Variants in GALNTL6 observed in about 807,000 individuals in gnomAD.
GALNTL6 encodes the protein polypeptide N-acetylgalactosaminyltransferase-like 6.
In GALNTL6, 46 loss-of-function variants were observed where a neutral mutation model predicts 73.7. The observed-to-expected ratio is 0.62, with a 90% confidence interval of 0.49 to 0.80. The LOEUF (loss-of-function observed/expected upper bound fraction) is 0.80. Ranked by LOEUF, GALNTL6 falls within the 30% of genes least tolerant of loss-of-function variation. GALNTL6 has a pLI of 0.00. For missense variants in GALNTL6, 604 were observed against 755.0 expected (o/e 0.80, Z 2.34); for synonymous variants, 259 against 263.7 (o/e 0.98, Z 0.17).
intron 5 of GALNTL6, among the ~76,000 whole-genome samples, chr4:172,697,195 T>C (rs528778735): frequency 6.6e-6 from 1 of 152,348 alleles, no homozygotes; most frequent in South Asian, 2.1e-4. Context: ...ATCCTTAGCA[T>C]TTCTGAAAAT....
At chr4:172,138,128 A>G (rs6839159) in intron 2 of GALNTL6, among the ~76,000 whole-genome samples, 67,453 of 151,624 alleles carry the variant, frequency 0.44, 15,664 homozygotes, top group African/African-American at 0.56. Flanking sequence ...AAACCATTCT[A>G]AAACCTCCCA....
intron 5 of GALNTL6, among the ~76,000 whole-genome samples, chr4:172,369,164 T>G (rs1024094270): frequency 2.0e-5 from 3 of 152,128 alleles, no homozygotes; most frequent in Non-Finnish European, 4.4e-5. Context: ...ATTGGTCTGT[T>G]TTGACAGAGT....
intron 10 of GALNTL6, among the ~76,000 whole-genome samples, chr4:172,987,710 G>A (rs1397324068): frequency 6.7e-6 from 1 of 149,234 alleles, no homozygotes; most frequent in Non-Finnish European, 1.5e-5. Context: ...TCTCATGATA[G>A]TGAATGAGTT....
chr4:172,471,915 C>T (rs1496710), intron 5 of GALNTL6, among the ~76,000 whole-genome samples: 135,592 of 152,258 alleles, frequency 0.89, 60,453 homozygotes, highest in African/African-American at 0.94. Context: ...ATTTACTTAG[C>T]CAACAATTCA....
chr4:172,766,901 G>C (rs559401198), intron 5 of GALNTL6, among the ~76,000 whole-genome samples: 1 of 152,208 alleles, frequency 6.6e-6, no homozygotes, highest in South Asian at 2.1e-4. Context: ...GAATTTATTG[G>C]CCATGCCTTC....
chr4:172,332,890 T>C (rs1741179782), intron 4 of GALNTL6, among the ~76,000 whole-genome samples: 1 of 152,218 alleles, frequency 6.6e-6, no homozygotes, highest in Admixed American at 6.5e-5. Flanking sequence ...CTGTTTTCCA[T>C]GCTGACTATA....
chr4:172,219,266 ATT>A (rs1736599306), intron 2 of GALNTL6, among the ~76,000 whole-genome samples: 1 of 142,952 alleles, frequency 7.0e-6, no homozygotes, highest in South Asian at 2.2e-4. Context: ...AATAACCGTT[ATT>A]TTAAGTAATT....
rs1482765905 is a variant in GALNTL6, at chr4:171,915,469, G to A, written c.138+100751G>A. ...ACTAAAAATACTAAAGGGAGTGATA[G>A]TGATTCTAAATAAAATATTTTTTAT... On this transcript the variant is annotated intron_variant, in intron 2 of 12. Transcript: ENST00000506823. Among the ~76,000 whole-genome samples the A allele has an allele frequency of 2.6e-5, 4 of 152,220 alleles. No homozygotes were observed. In the East Asian group the frequency reaches 5.8e-4, roughly 22 times the overall value.
intron 10 of GALNTL6, among the ~76,000 whole-genome samples, chr4:172,976,496 C>A (rs1264057339): frequency 6.6e-6 from 1 of 152,148 alleles, no homozygotes; most frequent in Non-Finnish European, 1.5e-5. Context: ...ACGTGGGCCA[C>A]AGGAAACCAC....
At chr4:172,523,904 A>G (rs1734866316) in intron 5 of GALNTL6, among the ~76,000 whole-genome samples, 1 of 152,288 alleles carries the variant, frequency 6.6e-6, no homozygotes, top group African/African-American at 2.4e-5. Flanking sequence ...TTTATTACAA[A>G]AAGAACTATC....
intron 5 of GALNTL6, among the ~76,000 whole-genome samples, chr4:172,562,446 G>A (rs1046450154): frequency 5.3e-5 from 8 of 152,156 alleles, no homozygotes; most frequent in African/African-American, 1.4e-4. Context: ...TCACCAGGCC[G>A]CCTTTCTGTA....
At position 171,814,629 on chromosome 4, in the gene GALNTL6, G is replaced by A. The variant is rs1156582710; in HGVS notation, c.49G>A (p.Val17Met). The A allele has an allele frequency of 6.2e-7, 1 of 1,614,144 alleles. No individual in the cohort carries two copies. The highest frequency in any genetic ancestry group is 1.1e-5 in the South Asian group (1 of 91,082). ...TCTGCAGATGACTTTGTTGTTCACG[G>A]TGGCTTTAATTTTCCTGCCTAACGT... ...RFLQMTLLFTVALIFLPNVGL... is the reference protein window; with the variant it reads ...RFLQMTLLFTMALIFLPNVGL... The change falls in exon 2 of 13, where the codon GTG (valine) becomes ATG (methionine). Residue 17 changes from valine to methionine, a missense_variant. Physicochemically the swap from Val to Met is conservative, Grantham distance 21 (BLOSUM62 1). Transcript: ENST00000506823.
intron 2 of GALNTL6, among the ~76,000 whole-genome samples, chr4:172,088,319 TA>T (rs1732107719): frequency 6.6e-6 from 1 of 152,266 alleles, no homozygotes; most frequent in South Asian, 2.1e-4. Flanking sequence ...ATTACATGTG[TA>T]GGGGTGAAGG....
chr4:172,377,697 G>A (rs998272111), intron 5 of GALNTL6, among the ~76,000 whole-genome samples: 3 of 152,282 alleles, frequency 2.0e-5, no homozygotes, highest in African/African-American at 7.2e-5. Flanking sequence ...AGGCAGCTGA[G>A]GCCTGGCAAG....
chr4:172,696,137 A>C (rs1012942497), intron 5 of GALNTL6, among the ~76,000 whole-genome samples: 1 of 152,164 alleles, frequency 6.6e-6, no homozygotes, highest in African/African-American at 2.4e-5. Context: ...AAATTTTCCT[A>C]GTTGTAGCTC....
chr4:172,636,519 G>A lies in GALNTL6; in HGVS notation c.554-172842G>A, dbSNP rs1739688909. Among the ~76,000 whole-genome samples, 3 of 152,160 alleles carry A rather than the reference G, an allele frequency of 2.0e-5. No individual in the cohort carries two copies. The South Asian group carries it at 6.2e-4, about 32-fold the overall frequency. ...TCCTTAAAAGCAGAGAGGAGGGTCA[G>A]GGCAGAGAAGGCCATGTGACAATGG... On this transcript the variant is annotated intron_variant, in intron 5 of 12. Coordinates refer to ENST00000506823, the MANE Select transcript of GALNTL6 (RefSeq NM_001034845.3).
intron 2 of GALNTL6, among the ~76,000 whole-genome samples, chr4:172,126,631 C>T (rs1381421197): frequency 6.6e-6 from 1 of 152,128 alleles, no homozygotes; most frequent in Non-Finnish European, 1.5e-5. Context: ...ACATCATAGC[C>T]ATAGAAAAGC....
intron 9 of GALNTL6, among the ~76,000 whole-genome samples, chr4:172,944,274 A>G (rs1749052356): frequency 6.6e-6 from 1 of 152,242 alleles, no homozygotes; most frequent in South Asian, 2.1e-4. Flanking sequence ...AATTTTAATA[A>G]TAAGTAAAAC....
At chr4:173,006,240 A>G (rs1427723562) in intron 10 of GALNTL6, among the ~76,000 whole-genome samples, 1 of 152,138 alleles carries the variant, frequency 6.6e-6, no homozygotes, top group African/African-American at 2.4e-5. Flanking sequence ...TCAAGTAGAG[A>G]GAAAAATAGT....
Sources: allele counts gnomAD v4.1 joint callset (sites outside exome capture counted in the v4.1 genomes callset), GRCh38; gene constraint gnomAD v4.1.1; transcripts MANE v1.5; gene names NCBI Gene and HGNC (gene_info 2026-07-23, HGNC 2026-07-21).